RNF220: variants seen among roughly 807,000 people sequenced by gnomAD.
RNF220 encodes the protein ring finger protein 220.
In RNF220, 7 loss-of-function variants were observed where a neutral mutation model predicts 67.1. The observed-to-expected ratio is 0.10, with a 90% confidence interval of 0.06 to 0.20. The LOEUF (loss-of-function observed/expected upper bound fraction) is 0.20, where lower values mean the gene tolerates loss of function less well. Among genes scored for constraint, RNF220 ranks in the 10% least tolerant of loss-of-function variants. The pLI, the probability that RNF220 is intolerant of heterozygous loss-of-function variation, is 1.00. For synonymous variants in RNF220, 270 were observed against 283.2 expected, an observed-to-expected ratio of 0.95 and a Z score of 0.47; for missense variants, 565 against 740.3, an observed-to-expected ratio of 0.76 and a Z score of 2.75.
chr1:44,409,358 A>G (rs1647741209), intron 1 of RNF220, among the ~76,000 whole-genome samples: 1 of 152,226 alleles, frequency 6.6e-6, no homozygotes, highest in Non-Finnish European at 1.5e-5. Flanking sequence ...TAGTTAATTC[A>G]ACAAAGACTT....
At chr1:44,644,565 C>T in intron 8 of RNF220, 133 bp from the exon 9 acceptor site, 1 of 647,226 alleles carries the variant, frequency 1.5e-6, no homozygotes, top group East Asian at 2.7e-5. Flanking sequence ...GTATCTGGCT[C>T]TATACATCCC....
At chr1:44,443,260 A>AATGTTATTCAAATT (rs202034324) in intron 2 of RNF220, among the ~76,000 whole-genome samples, 3,027 of 152,310 alleles carry the variant, frequency 0.02, 51 homozygotes, top group South Asian at 0.061. Flanking sequence ...TTATCATGCT[A>AATGTTATTCAAATT]ATGTTATTCA....
intron 2 of RNF220, among the ~76,000 whole-genome samples, chr1:44,496,951 G>A (rs186439160): frequency 6.6e-6 from 1 of 152,260 alleles, no homozygotes; most frequent in East Asian, 1.9e-4. Context: ...CTGTTGGATG[G>A]AAAAACTGTG....
In RNF220 at chr1:44,651,054, G is replaced by A. The variant is rs1644776117; in HGVS notation, c.*279G>A. 3.5e-5 allele frequency: 17 copies of A among 482,276 alleles called. No individual in the cohort carries two copies. Among genetic ancestry groups the A allele is most frequent in the Middle Eastern group, 6.0e-4 (1 of 1,664 alleles). 29.9% of individuals were successfully genotyped at this position (482,276 alleles called of 1,614,324 possible). A position where few individuals can be genotyped will look rare whatever the true frequency, so the allele number is the denominator to read the frequency against. ...AGGGTGGGGCAGGGAGGTGGGGGTT[G>A]GGGGAGTAGTGGGGCACGGCTCCTA... On this transcript the variant is annotated 3_prime_UTR_variant, in exon 15 of 15. Transcript: ENST00000361799.
intron 2 of RNF220, among the ~76,000 whole-genome samples, chr1:44,449,106 C>G (rs1380686459): frequency 6.6e-6 from 1 of 152,180 alleles, no homozygotes; most frequent in Admixed American, 6.5e-5. Context: ...GCAGCATAAC[C>G]TCAAAGTTAG....
Position 44,594,955 on chromosome 1 carries a change from G to A in RNF220, c.626-19210G>A, listed in dbSNP as rs114202578. Among the ~76,000 whole-genome samples the A allele has an allele frequency of 2.9e-3, 436 of 152,312 alleles. 3 individuals carry two copies. The highest frequency in any genetic ancestry group is 0.01 in the African/African-American group (416 of 41,554). On this transcript the variant is annotated intron_variant, in intron 2 of 14. Coordinates refer to ENST00000361799, the MANE Select transcript of RNF220 (RefSeq NM_018150.4). ...TTCGGGGCTTTATTTAAAGACATAG[G>A]AGTGAGGGTGAAGATTGGCTTTGGA...
At chr1:44,591,417 G>T (rs1666107586) in intron 2 of RNF220, among the ~76,000 whole-genome samples, 1 of 152,196 alleles carries the variant, frequency 6.6e-6, no homozygotes, top group African/African-American at 2.4e-5. Context: ...GTCCTTTCAA[G>T]TCCCAGAGCC....
chr1:44,602,598 A>G (rs1573008568), intron 2 of RNF220, among the ~76,000 whole-genome samples: 1 of 152,028 alleles, frequency 6.6e-6, no homozygotes, highest in African/African-American at 2.4e-5. Flanking sequence ...AACTGCCTGC[A>G]TCTCTAGCCT....
intron 2 of RNF220, among the ~76,000 whole-genome samples, chr1:44,570,522 C>T (rs777841209): frequency 8.5e-5 from 13 of 152,188 alleles, no homozygotes; most frequent in Non-Finnish European, 1.5e-4. Context: ...ATAATGTCCC[C>T]GAGACTATGT....
At chr1:44,424,180 G>A (rs1261474160) in intron 2 of RNF220, 1 of 228,632 alleles carries the variant, frequency 4.4e-6, no homozygotes, top group East Asian at 1.8e-4. Flanking sequence ...AAATGATAAT[G>A]TAAAATAACA....
At chr1:44,539,731 A>C (rs933030703) in intron 2 of RNF220, among the ~76,000 whole-genome samples, 3 of 152,202 alleles carry the variant, frequency 2.0e-5, no homozygotes, top group Non-Finnish European at 4.4e-5. Flanking sequence ...CCAATACCTT[A>C]TCATTTTTCA....
At chr1:44,520,892 A>C (rs1183050843) in intron 2 of RNF220, among the ~76,000 whole-genome samples, 1 of 151,970 alleles carries the variant, frequency 6.6e-6, no homozygotes, top group Non-Finnish European at 1.5e-5. Flanking sequence ...TAATAATGTG[A>C]TTTGTTTTTG....
chr1:44,580,051 A>G (rs977185857), intron 2 of RNF220, among the ~76,000 whole-genome samples: 29 of 145,592 alleles, frequency 2.0e-4, no homozygotes, highest in African/African-American at 6.2e-4. Context: ...AAAAAAAAAA[A>G]AAAAAAGAAA....
At chr1:44,560,826 G>C (rs1038649948) in intron 2 of RNF220, among the ~76,000 whole-genome samples, 2 of 152,112 alleles carry the variant, frequency 1.3e-5, no homozygotes, top group African/African-American at 4.8e-5. Context: ...CTCCCAAAGT[G>C]CTGGGATTAC....
intron 2 of RNF220, among the ~76,000 whole-genome samples, chr1:44,454,995 T>C (rs867418796): frequency 6.6e-6 from 1 of 152,250 alleles, no homozygotes; most frequent in Admixed American, 6.5e-5. Flanking sequence ...AAAGCTACTA[T>C]AAACATCTAT....
At chr1:44,584,873 A>G (rs61160032) in intron 2 of RNF220, among the ~76,000 whole-genome samples, 9,316 of 152,056 alleles carry the variant, frequency 0.061, 978 homozygotes, top group African/African-American at 0.21. Context: ...TACTTTTTGT[A>G]TTTTTAGTAG....
intron 2 of RNF220, among the ~76,000 whole-genome samples, chr1:44,605,040 GCC>G (rs1667175422): frequency 2.6e-5 from 4 of 152,180 alleles, no homozygotes; most frequent in African/African-American, 9.7e-5. Context: ...GGTGGCTCAT[GCC>G]TGTAATCCCA....
intron 2 of RNF220, among the ~76,000 whole-genome samples, chr1:44,610,666 TC>T (rs758204362): frequency 1.3e-5 from 2 of 152,196 alleles, no homozygotes; most frequent in African/African-American, 2.4e-5. Flanking sequence ...TCTGGTGGGC[TC>T]GGCCTGCCCA....
chr1:44,509,404 G>A (rs924838529), intron 2 of RNF220, among the ~76,000 whole-genome samples: 1 of 152,028 alleles, frequency 6.6e-6, no homozygotes, highest in South Asian at 2.1e-4. Context: ...CAAAAAATTA[G>A]CCAGGCGTGG....
Sources: allele counts gnomAD v4.1 joint callset (sites outside exome capture counted in the v4.1 genomes callset), GRCh38; gene constraint gnomAD v4.1.1; transcripts MANE v1.5; gene names NCBI Gene and HGNC (gene_info 2026-07-23, HGNC 2026-07-21).